ERBB4: variants seen among roughly 807,000 people sequenced by gnomAD.
The protein encoded by ERBB4 is erb-b2 receptor tyrosine kinase 4.
Under a neutral mutation model 158.0 loss-of-function variants are expected in ERBB4, and 42 were observed. That is an observed-to-expected ratio of 0.27 (90% CI 0.21 to 0.34). The LOEUF is 0.34. Among genes scored for constraint, ERBB4 ranks in the 10% least tolerant of loss-of-function variants. The pLI, the probability that ERBB4 is intolerant of heterozygous loss-of-function variation, is 1.00. For synonymous variants in ERBB4, 583 were observed against 558.7 expected, an observed-to-expected ratio of 1.04 and a Z score of -0.61; for missense variants, 1,333 against 1,624.1, an observed-to-expected ratio of 0.82 and a Z score of 3.08.
intron 20 of ERBB4, among the ~76,000 whole-genome samples, chr2:211,468,917 C>CA (rs34611181): frequency 0.72 from 97,778 of 135,106 alleles, 34,835 homozygotes; most frequent in South Asian, 0.79. Context: ...TCTTCTGCTT[C>CA]AAAAAAAAAA....
At position 212,144,664 on chromosome 2, in the gene ERBB4, T is replaced by G. The variant is rs76938282; in HGVS notation, c.83-19761A>C. On this transcript the variant is annotated intron_variant, in intron 1 of 27. Transcript: ENST00000342788. ...TTGCAAAGTTGTTTTATTCTTATGT[T>G]CCAGTATATGGATCTTAATTCTCCA... 4.1e-3 allele frequency among the ~76,000 whole-genome samples: 624 copies of G among 152,298 alleles called. 3 individuals carry two copies. The highest frequency in any genetic ancestry group is 0.014 in the African/African-American group (594 of 41,568).
intron 19 of ERBB4, among the ~76,000 whole-genome samples, chr2:211,580,633 G>A (rs2125768046): frequency 6.6e-6 from 1 of 150,908 alleles, no homozygotes; most frequent in South Asian, 2.1e-4. Context: ...ATTTGATCCA[G>A]TAATCCCACT....
intron 3 of ERBB4, among the ~76,000 whole-genome samples, chr2:211,888,737 G>GA (rs1318577904): frequency 6.6e-6 from 1 of 152,076 alleles, no homozygotes; most frequent in Non-Finnish European, 1.5e-5. Context: ...CCTCACCTGG[G>GA]AAGCGCGAGG....
At chr2:211,750,117 C>G (rs979256360) in intron 5 of ERBB4, among the ~76,000 whole-genome samples, 2 of 152,000 alleles carry the variant, frequency 1.3e-5, no homozygotes, top group Non-Finnish European at 2.9e-5. Context: ...ATCCAAGAAA[C>G]AGTATAAACT....
chr2:211,601,825 G>C lies in ERBB4; in HGVS notation c.2301+17352C>G, dbSNP rs771958111. Among the ~76,000 whole-genome samples the C allele has an allele frequency of 6.1e-4, 92 of 151,614 alleles. 2 individuals are homozygous for C. Among genetic ancestry groups the C allele is most frequent in the Non-Finnish European group, 1.3e-4 (9 of 67,932 alleles). ...AGAAGGGAGGTGGGATGGAGGGAGG[G>C]AGGGAGGCAAAAGAAAATAAATATT... On this transcript the variant is annotated intron_variant, in intron 19 of 27. Coordinates refer to ENST00000342788, the MANE Select transcript of ERBB4 (RefSeq NM_005235.3).
rs2076206836 is a variant in ERBB4 at position 211,788,045 on chromosome 2, G to A, written c.536C>T (p.Ser179Leu). 6.2e-7 allele frequency: 1 copy of A among 1,613,466 alleles called. No homozygotes were observed. Among genetic ancestry groups the A allele is most frequent in the Non-Finnish European group, 8.5e-7 (1 of 1,179,528 alleles). The change falls in exon 4 of 28, where the codon TCA (serine) becomes TTA (leucine). Residue 179 changes from serine (S) to leucine (L), a missense_variant. Transcript: ENST00000342788. ...CTTACATCCTGAACTACCATTTGTT[G>A]ACACAAGAGTCAAGTTGGAAGGCCA... ...NPWPSNLTLV[S>L]TNGSSGCGRC...
At chr2:211,842,046 CAT>C (rs2077481845) in intron 3 of ERBB4, among the ~76,000 whole-genome samples, 1 of 151,950 alleles carries the variant, frequency 6.6e-6, no homozygotes, top group South Asian at 2.1e-4. Flanking sequence ...AATTTCTAAA[CAT>C]ATGTCTGTTT....
intron 3 of ERBB4, among the ~76,000 whole-genome samples, chr2:211,789,917 T>C (rs2076244040): frequency 6.6e-6 from 1 of 152,060 alleles, no homozygotes; most frequent in African/African-American, 2.4e-5. Context: ...TTGTAGTTCT[T>C]TCTACATTTA....
At chr2:212,374,058 C>A (rs62184096) in intron 1 of ERBB4, among the ~76,000 whole-genome samples, 4 of 84,620 alleles carry the variant, frequency 4.7e-5, no homozygotes, top group East Asian at 2.6e-4. Flanking sequence ...ATATATATAT[C>A]CATATATATC....
intron 2 of ERBB4, among the ~76,000 whole-genome samples, chr2:212,007,276 A>T (rs1403939158): frequency 6.6e-6 from 1 of 151,920 alleles, no homozygotes; most frequent in Non-Finnish European, 1.5e-5. Flanking sequence ...GTCTTTTAAA[A>T]TTAAATAAGG....
intron 1 of ERBB4, among the ~76,000 whole-genome samples, chr2:212,226,734 TATC>T (rs556795044): frequency 6.4e-4 from 97 of 152,292 alleles, no homozygotes; most frequent in Middle Eastern, 3.4e-3. Flanking sequence ...TTATCAGTCT[TATC>T]ATATAACTGT....
At chr2:212,063,466 T>C (rs1332107421) in intron 2 of ERBB4, among the ~76,000 whole-genome samples, 1 of 152,058 alleles carries the variant, frequency 6.6e-6, no homozygotes, top group Non-Finnish European at 1.5e-5. Flanking sequence ...TGATTCCTAC[T>C]TCACTAAAGG....
intron 1 of ERBB4, among the ~76,000 whole-genome samples, chr2:212,314,887 G>T (rs1480486453): frequency 6.6e-6 from 1 of 151,186 alleles, no homozygotes; most frequent in Non-Finnish European, 1.5e-5. Context: ...GGGACCAAGA[G>T]CTTAAATTAT....
chr2:212,061,845 C>G (rs1336058783), intron 2 of ERBB4, among the ~76,000 whole-genome samples: 1 of 151,472 alleles, frequency 6.6e-6, no homozygotes, highest in Non-Finnish European at 1.5e-5. Context: ...TAGCAATTCT[C>G]CTGCCTCAGC....
chr2:212,272,422 G>A (rs1350023690), intron 1 of ERBB4, among the ~76,000 whole-genome samples: 1 of 151,718 alleles, frequency 6.6e-6, no homozygotes, highest in African/African-American at 2.4e-5. Flanking sequence ...ATATGAGTAG[G>A]TCATGGCCGT....
intron 1 of ERBB4, among the ~76,000 whole-genome samples, chr2:212,398,014 T>G (rs748927507): frequency 4.6e-5 from 7 of 151,948 alleles, no homozygotes; most frequent in Non-Finnish European, 1.0e-4. Flanking sequence ...AAAATGTGAA[T>G]AGTGATAATA....
At chr2:212,448,510 C>A (rs964103368) in intron 1 of ERBB4, among the ~76,000 whole-genome samples, 1 of 152,058 alleles carries the variant, frequency 6.6e-6, no homozygotes, top group Non-Finnish European at 1.5e-5. Context: ...ATCCTCAGTG[C>A]ATTTATAGCA....
At chr2:212,078,885 T>G (rs2078350820) in intron 2 of ERBB4, among the ~76,000 whole-genome samples, 1 of 151,178 alleles carries the variant, frequency 6.6e-6, no homozygotes, top group Non-Finnish European at 1.5e-5. Flanking sequence ...TAGTATAATA[T>G]TAATGCTAAT....
At position 212,420,613 on chromosome 2, in the gene ERBB4, G is replaced by A. The variant is rs867465888; in HGVS notation, c.82+117836C>T. Among the ~76,000 whole-genome samples, 4 of 152,166 alleles carry A rather than the reference G, an allele frequency of 2.6e-5. No individual in the cohort carries two copies. In the South Asian group the frequency reaches 8.3e-4, roughly 31 times the overall value. ...TTTCAGAAAAGGTTTTTGCTTGTTC[G>A]TTGTAACCATATCCTCTTATAGAAG... On this transcript the variant is annotated intron_variant, in intron 1 of 27. Transcript: ENST00000342788.
Sources: allele counts gnomAD v4.1 joint callset (sites outside exome capture counted in the v4.1 genomes callset), GRCh38; gene constraint gnomAD v4.1.1; transcripts MANE v1.5; gene names NCBI Gene and HGNC (gene_info 2026-07-23, HGNC 2026-07-21).